IFTAP: variants seen among roughly 807,000 people sequenced by gnomAD.
The protein encoded by IFTAP is intraflagellar transport associated protein.
Under a neutral mutation model 19.4 loss-of-function variants are expected in IFTAP, and 19 were observed. The ratio of observed to expected loss-of-function variants is 0.98; its 90% confidence interval spans 0.68 to 1.44. IFTAP has a LOEUF of 1.44. Ranked by LOEUF, IFTAP falls within the 40% of genes most tolerant of loss-of-function variation. The pLI, the probability that IFTAP is intolerant of heterozygous loss-of-function variation, is 0.00. For missense variants in IFTAP, 240 were observed against 253.6 expected (o/e 0.95, Z 0.36); for synonymous variants, 85 against 83.5 (o/e 1.02, Z -0.10).
At chr11:36,605,964 G>A (rs2133365728) in intron 1 of IFTAP, among the ~76,000 whole-genome samples, 1 of 152,260 alleles carries the variant, frequency 6.6e-6, no homozygotes, top group African/African-American at 2.4e-5. Context: ...AAAATGCATT[G>A]CTTCCTTTTA....
At chr11:36,605,671 T>G (rs544959511) in intron 1 of IFTAP, among the ~76,000 whole-genome samples, 1 of 152,324 alleles carries the variant, frequency 6.6e-6, no homozygotes, top group Admixed American at 6.5e-5. Context: ...GGTCTTCAAG[T>G]GAAGTGTAGT....
chr11:36,651,213 A>G (rs1234602768), intron 5 of IFTAP, among the ~76,000 whole-genome samples: 1 of 152,126 alleles, frequency 6.6e-6, no homozygotes, highest in African/African-American at 2.4e-5. Context: ...CCTCTCCAGC[A>G]TCTGTTGTTT....
chr11:36,657,550 C>G (rs948560265), intron 5 of IFTAP, among the ~76,000 whole-genome samples: 1 of 152,136 alleles, frequency 6.6e-6, no homozygotes, highest in African/African-American at 2.4e-5. Flanking sequence ...AAGGCTGTGA[C>G]TTGGCTTAGT....
intron 1 of IFTAP, among the ~76,000 whole-genome samples, chr11:36,604,066 A>T (rs558918667): frequency 6.6e-6 from 1 of 152,178 alleles, no homozygotes; most frequent in Non-Finnish European, 1.5e-5. Flanking sequence ...TTTAGGATGG[A>T]TGTGCTCCCT....
chr11:36,648,388 A>G (rs1853577376), intron 5 of IFTAP: 1 of 473,128 alleles, frequency 2.1e-6, no homozygotes, highest in Non-Finnish European at 3.7e-6. Context: ...AGTGTATGCC[A>G]TGCCACAGAT....
At chr11:36,613,772 G>A (rs958475484) in intron 2 of IFTAP, among the ~76,000 whole-genome samples, 2 of 152,028 alleles carry the variant, frequency 1.3e-5, no homozygotes, top group African/African-American at 4.8e-5. Flanking sequence ...TGCCTCCATT[G>A]GTGATGGTTC....
At chr11:36,604,034 A>G (rs1851602962) in intron 1 of IFTAP, among the ~76,000 whole-genome samples, 1 of 152,110 alleles carries the variant, frequency 6.6e-6, no homozygotes, top group Non-Finnish European at 1.5e-5. Context: ...CTGAACCCAC[A>G]TTTTAAAAAT....
At chr11:36,610,306 T>G (rs1851834718) in intron 2 of IFTAP, 67 bp downstream of exon 2, 1 of 1,398,534 alleles carries the variant, frequency 7.2e-7, no homozygotes, top group African/African-American at 1.5e-5. Flanking sequence ...TGTATGTTTT[T>G]GCTGCCTCTT....
intron 4 of IFTAP, among the ~76,000 whole-genome samples, chr11:36,644,549 C>T (rs1242223041): frequency 2.6e-4 from 40 of 152,124 alleles, no homozygotes; most frequent in Middle Eastern, 3.4e-3. Context: ...CACATGCACA[C>T]GTATGTTCAT....
intron 5 of IFTAP, among the ~76,000 whole-genome samples, chr11:36,648,958 A>G (rs1590233815): frequency 2.0e-5 from 3 of 152,108 alleles, no homozygotes; most frequent in Non-Finnish European, 2.9e-5. Flanking sequence ...TTTAGCTATC[A>G]TTTTGCAGCT....
intron 2 of IFTAP, among the ~76,000 whole-genome samples, chr11:36,618,687 G>A (rs1371326364): frequency 1.3e-5 from 2 of 152,044 alleles, no homozygotes; most frequent in African/African-American, 2.4e-5. Flanking sequence ...AGAAGGGAGA[G>A]CCTGAGAAGG....
chr11:36,620,808 T>C lies in IFTAP; in HGVS notation c.136+10569T>C, dbSNP rs559224753. ...AGTGAAGACATGGGAATTAAAAATA[T>C]GTATTTTTCATACACATAAAAGAAT... On this transcript the variant is annotated intron_variant, in intron 2 of 5. Coordinates refer to ENST00000334307, the MANE Select transcript of IFTAP (RefSeq NM_138787.4). Among the ~76,000 whole-genome samples the C allele has an allele frequency of 5.3e-5, 8 of 152,076 alleles. No individual in the cohort carries two copies. The East Asian group carries it at 1.5e-3, about 29-fold the overall frequency.
rs61743772 is a variant in IFTAP at position 36,633,354 on chromosome 11, T to C, written c.207T>C (p.Val69=). The C allele has an allele frequency of 7.6e-4, 1,220 of 1,604,446 alleles. 9 individuals are homozygous for C. The African/African-American group carries it at 0.015, about 19-fold the overall frequency. Residue 69 remains valine, a synonymous_variant, in exon 3 of 6, where the codon GTT becomes GTC. Transcript: ENST00000334307. Reference sequence around the variant, plus strand: ...AAAACATTTTTACCTCAGCAAAAGTTACTCATAAAAATGAAGCAGATGACT... The same window carrying C: ...AAAACATTTTTACCTCAGCAAAAGTCACTCATAAAAATGAAGCAGATGACT... ...SSENIFTSAK[V]THKNEADDYH...
chr11:36,597,715 T>C (rs2133336848), intron 1 of IFTAP: 1 of 152,272 alleles, frequency 6.6e-6, no homozygotes, highest in South Asian at 2.1e-4. Context: ...TGCTCCAGAG[T>C]AGCAAGTAAC....
chr11:36,636,113 T>A lies in IFTAP; in HGVS notation c.354T>A (p.Ser118Arg), dbSNP rs377767291. The change falls in exon 4 of 6, where the codon AGT (serine) becomes AGA (arginine). Residue 118 changes from serine (S) to arginine (R), a missense_variant. By Grantham distance (110) the Ser-to-Arg change is moderately radical. Transcript: ENST00000334307. Reference sequence around the variant, plus strand: ...ATGAAGAGATTAAACCCCAAATGAGTGAGGGTATGCTTTCTATTTCCTTTC... The same window carrying A: ...ATGAAGAGATTAAACCCCAAATGAGAGAGGGTATGCTTTCTATTTCCTTTC... ...DMDEEIKPQM[S>R]EDLLLLPGEV... The A allele has an allele frequency of 1.7e-5, 28 of 1,606,042 alleles. No individual in the cohort carries two copies. Among genetic ancestry groups the A allele is most frequent in the Non-Finnish European group, 2.4e-5 (28 of 1,173,104 alleles).
intron 5 of IFTAP, among the ~76,000 whole-genome samples, chr11:36,657,763 C>G (rs368772198): frequency 6.6e-6 from 1 of 152,260 alleles, no homozygotes; most frequent in African/African-American, 2.4e-5. Flanking sequence ...GCTGATGCCA[C>G]GTGGTTCCTA....
chr11:36,653,598 C>A (rs1161831740), intron 5 of IFTAP, among the ~76,000 whole-genome samples: 1 of 152,070 alleles, frequency 6.6e-6, no homozygotes, highest in African/African-American at 2.4e-5. Flanking sequence ...CCACAACAGC[C>A]AATAACTGAA....
At chr11:36,637,809 C>T (rs1003229372) in intron 4 of IFTAP, among the ~76,000 whole-genome samples, 2 of 152,006 alleles carry the variant, frequency 1.3e-5, no homozygotes, top group Admixed American at 6.6e-5. Flanking sequence ...AAATTTTTCA[C>T]TTCTTACCAG....
intron 1 of IFTAP, chr11:36,598,053 A>C (rs1302010274): frequency 6.6e-6 from 1 of 152,104 alleles, no homozygotes; most frequent in Non-Finnish European, 1.5e-5. Flanking sequence ...GTTTACTAAC[A>C]TAGGCTCCCA....
Sources: gnomAD v4.1 joint callset for allele counts (sites outside exome capture counted in the v4.1 genomes callset) on GRCh38, gnomAD v4.1.1 for gene constraint, MANE v1.5 for transcripts, NCBI Gene and HGNC (gene_info 2026-07-23, HGNC 2026-07-21) for gene names.